The following PLXDC2 variants were observed in gnomAD, a reference collection of about 807,000 sequenced individuals.
The protein encoded by PLXDC2 is plexin domain containing 2.
Under a neutral mutation model 68.9 loss-of-function variants are expected in PLXDC2, and 40 were observed. The observed-to-expected ratio is 0.58, with a 90% CI of 0.45 to 0.76. The LOEUF is 0.76. Among genes scored for constraint, PLXDC2 ranks in the 30% least tolerant of loss-of-function variants. The pLI is 0.00. For synonymous variants in PLXDC2, 243 were observed against 234.2 expected, an observed-to-expected ratio of 1.04 and a Z score of -0.34; for missense variants, 644 against 661.9, an observed-to-expected ratio of 0.97 and a Z score of 0.30.
At chr10:19,894,012 C>T (rs1048992874) in intron 1 of PLXDC2, among the ~76,000 whole-genome samples, 8 of 152,096 alleles carry the variant, frequency 5.3e-5, no homozygotes, top group Admixed American at 2.0e-4. Flanking sequence ...TCTCTTCCCA[C>T]GAATGGAGTA....
chr10:20,218,939 A>C, intron 11 of PLXDC2, 125 bp from the exon 12 acceptor site: 4 of 1,042,092 alleles, frequency 3.8e-6, no homozygotes, highest in Non-Finnish European at 5.5e-6. Context: ...AAATTACCAC[A>C]ATAAATTATC....
chr10:20,131,409 T>C (rs969947625), intron 4 of PLXDC2, among the ~76,000 whole-genome samples: 24 of 152,150 alleles, frequency 1.6e-4, no homozygotes, highest in African/African-American at 5.6e-4. Flanking sequence ...TAATTTTTTT[T>C]CTTTTTTGAG....
chr10:19,869,473 G>GA (rs1245239778), intron 1 of PLXDC2, among the ~76,000 whole-genome samples: 4 of 127,592 alleles, frequency 3.1e-5, no homozygotes, highest in Admixed American at 7.9e-5. Context: ...GAGAAAGGGG[G>GA]GGGGGGGAGA....
chr10:20,072,493 G>GAGAAAGAAAGAAAGAAAGAA (rs55848042), intron 4 of PLXDC2, among the ~76,000 whole-genome samples: 4,231 of 80,684 alleles, frequency 0.052, 231 homozygotes, highest in Non-Finnish European at 0.069. Flanking sequence ...AAGAAAGAAA[G>GAGAAAGAAAGAAAGAAAGAA]AGAAAGAAAG....
intron 9 of PLXDC2, among the ~76,000 whole-genome samples, chr10:20,180,050 T>TTATATACATATCAAAACC (rs2131828787): frequency 1.3e-5 from 2 of 152,074 alleles, no homozygotes; most frequent in East Asian, 3.9e-4. Context: ...TCTTTCCTAG[T>TTATATACATATCAAAACC]TGATACCACA....
At chr10:19,871,882 C>CAA (rs66537453) in intron 1 of PLXDC2, among the ~76,000 whole-genome samples, 115 of 122,048 alleles carry the variant, frequency 9.4e-4, no homozygotes, top group African/African-American at 1.8e-3. Flanking sequence ...GTGAAACTGT[C>CAA]AAAAAAAAAA....
intron 3 of PLXDC2, among the ~76,000 whole-genome samples, chr10:20,048,761 G>A (rs116477405): frequency 0.018 from 2,692 of 152,136 alleles, 78 homozygotes; most frequent in African/African-American, 0.061. Flanking sequence ...CGCCCCCCAA[G>A]GTAAGACAGT....
chr10:20,195,911 C>G (rs577591912), intron 9 of PLXDC2, among the ~76,000 whole-genome samples: 1 of 152,102 alleles, frequency 6.6e-6, no homozygotes, highest in Non-Finnish European at 1.5e-5. Context: ...GTACAGCACA[C>G]CTCAACCCCC....
At chr10:20,115,671 C>T (rs530603160) in intron 4 of PLXDC2, among the ~76,000 whole-genome samples, 14 of 152,258 alleles carry the variant, frequency 9.2e-5, no homozygotes, top group Middle Eastern at 3.4e-3. Context: ...ATTTTGTCTA[C>T]GCCTCCCCCA....
intron 13 of PLXDC2, among the ~76,000 whole-genome samples, chr10:20,271,566 A>G (rs1197124757): frequency 6.6e-6 from 1 of 152,142 alleles, no homozygotes; most frequent in Non-Finnish European, 1.5e-5. Context: ...TTTCTCCACT[A>G]GTTGGTTCTG....
At chr10:19,895,412 C>A (rs933508299) in intron 1 of PLXDC2, among the ~76,000 whole-genome samples, 2 of 151,794 alleles carry the variant, frequency 1.3e-5, no homozygotes, top group African/African-American at 4.8e-5. Flanking sequence ...TCCCAGTAGC[C>A]GTATATTTTT....
intron 12 of PLXDC2, among the ~76,000 whole-genome samples, chr10:20,244,633 A>G (rs1835564178): frequency 6.6e-6 from 1 of 152,186 alleles, no homozygotes; most frequent in African/African-American, 2.4e-5. Context: ...GATGTCCGAT[A>G]CTCTTTAATT....
intron 7 of PLXDC2, among the ~76,000 whole-genome samples, chr10:20,173,866 G>A (rs530782228): frequency 6.6e-6 from 1 of 152,252 alleles, no homozygotes; most frequent in South Asian, 2.1e-4. Flanking sequence ...TGACCATTTG[G>A]AAGTTGTCGT....
chr10:20,085,966 T>G (rs1006182871), intron 4 of PLXDC2, among the ~76,000 whole-genome samples: 1 of 152,214 alleles, frequency 6.6e-6, no homozygotes, highest in South Asian at 2.1e-4. Flanking sequence ...ACTAAGCCAC[T>G]ACTCATCCCT....
chr10:20,245,612 G>A (rs1336546725), intron 13 of PLXDC2, 107 bp downstream of exon 13: 7 of 1,311,522 alleles, frequency 5.3e-6, no homozygotes, highest in South Asian at 1.5e-5. Flanking sequence ...CCATTTTTCA[G>A]TTCAAGCTTT....
chr10:19,853,150 A>G (rs1208844578), intron 1 of PLXDC2, among the ~76,000 whole-genome samples: 2 of 152,244 alleles, frequency 1.3e-5, no homozygotes, highest in Non-Finnish European at 2.9e-5. Context: ...GGGACAAGGT[A>G]TCTAATGTGG....
At chr10:19,974,113 T>C (rs1834407889) in intron 1 of PLXDC2, among the ~76,000 whole-genome samples, 1 of 152,238 alleles carries the variant, frequency 6.6e-6, no homozygotes, top group Non-Finnish European at 1.5e-5. Context: ...GCAACTTTGA[T>C]AGAGATCATC....
At chr10:19,942,971 C>T (rs1833842499) in intron 1 of PLXDC2, among the ~76,000 whole-genome samples, 1 of 152,112 alleles carries the variant, frequency 6.6e-6, no homozygotes, top group South Asian at 2.1e-4. Context: ...AATAATTATG[C>T]CTCCAGTTAA....
In PLXDC2 at chr10:19,946,889, C is replaced by G. The variant is rs531804404; in HGVS notation, c.113-54886C>G. On this transcript the variant is annotated intron_variant, in intron 1 of 13. Transcript: ENST00000377252. ...GGAGCTCAGGCGGTAATACGAGTGA[C>G]GAGGAGTAGCTGCAGATACAGATGG... Among the ~76,000 whole-genome samples, 442 of 152,074 alleles carry G rather than the reference C, an allele frequency of 2.9e-3. 2 individuals carry two copies. The highest frequency in any genetic ancestry group is 5.4e-3 in the Non-Finnish European group (369 of 67,984).
Sources: gnomAD v4.1 joint callset for allele counts (sites outside exome capture counted in the v4.1 genomes callset) on GRCh38, gnomAD v4.1.1 for gene constraint, MANE v1.5 for transcripts, NCBI Gene and HGNC (gene_info 2026-07-23, HGNC 2026-07-21) for gene names.